PITPNC1: variants seen among roughly 807,000 people sequenced by gnomAD.
PITPNC1 encodes cytoplasmic phosphatidylinositol transfer protein 1.
In PITPNC1, 18 loss-of-function variants were observed where a neutral mutation model predicts 44.7. That is an observed-to-expected ratio of 0.40 (90% CI 0.28 to 0.60). The LOEUF is 0.60. Among genes scored for constraint, PITPNC1 ranks in the 20% least tolerant of loss-of-function variants. The pLI is 0.39. For synonymous variants in PITPNC1, 141 were observed against 149.6 expected (o/e 0.94, Z 0.42); for missense variants, 290 against 418.4 (o/e 0.69, Z 2.68).
chr17:67,692,250 C>T (rs550391720), intron 8 of PITPNC1, among the ~76,000 whole-genome samples: 2 of 152,074 alleles, frequency 1.3e-5, no homozygotes, highest in Non-Finnish European at 2.9e-5. Context: ...CACACACATA[C>T]ACACACACAG....
intron 1 of PITPNC1, among the ~76,000 whole-genome samples, chr17:67,395,075 A>G (rs1278429544): frequency 6.6e-6 from 1 of 152,174 alleles, no homozygotes; most frequent in Non-Finnish European, 1.5e-5. Context: ...CGCTCTTATT[A>G]AACTGGTAAT....
intron 1 of PITPNC1, among the ~76,000 whole-genome samples, chr17:67,428,984 G>T (rs1249462636): frequency 2.3e-5 from 2 of 85,612 alleles, no homozygotes; most frequent in Admixed American, 2.2e-4. Context: ...GGGATTACAG[G>T]CATAGTGCCA....
intron 1 of PITPNC1, among the ~76,000 whole-genome samples, chr17:67,479,295 C>T (rs890370981): frequency 1.3e-5 from 2 of 152,170 alleles, no homozygotes; most frequent in African/African-American, 4.8e-5. Flanking sequence ...TAGAGACAGA[C>T]AAGGGGGAGA....
intron 5 of PITPNC1, among the ~76,000 whole-genome samples, chr17:67,631,671 TA>T (rs1244869129): frequency 4.3e-5 from 3 of 69,670 alleles, no homozygotes; most frequent in Non-Finnish European, 9.4e-5. Flanking sequence ...TATATATATA[TA>T]AAATATATAT....
intron 1 of PITPNC1, among the ~76,000 whole-genome samples, chr17:67,517,750 A>G (rs1285859032): frequency 6.6e-6 from 1 of 152,186 alleles, no homozygotes; most frequent in Non-Finnish European, 1.5e-5. Context: ...TGGGACTGGG[A>G]GGAGAAGAGA....
At chr17:67,499,009 T>G (rs1289334478) in intron 1 of PITPNC1, among the ~76,000 whole-genome samples, 2 of 151,984 alleles carry the variant, frequency 1.3e-5, no homozygotes, top group African/African-American at 4.8e-5. Flanking sequence ...GTAGCTGGGC[T>G]TACAGGCACC....
intron 1 of PITPNC1, among the ~76,000 whole-genome samples, chr17:67,498,620 T>C (rs1050099064): frequency 6.6e-6 from 1 of 152,220 alleles, no homozygotes; most frequent in Non-Finnish European, 1.5e-5. Context: ...GGAAGCTTCG[T>C]ATTGTTCTCC....
At chr17:67,519,831 T>C (rs1278996284) in intron 1 of PITPNC1, among the ~76,000 whole-genome samples, 1 of 152,166 alleles carries the variant, frequency 6.6e-6, no homozygotes, top group Non-Finnish European at 1.5e-5. Flanking sequence ...GCTAGGTAGT[T>C]ACCAGAACCC....
Position 67,625,339 on chromosome 17 carries a change from C to T in PITPNC1, c.367-6804C>T, listed in dbSNP as rs571748573. Among the ~76,000 whole-genome samples, 6 of 152,248 alleles carry T rather than the reference C, an allele frequency of 3.9e-5. No homozygotes were observed. The East Asian group carries it at 1.2e-3, about 29-fold the overall frequency. ...CAGCACTCCAGTGTCAGGTGCCCCC[C>T]TGTAAAGCTTTGGCTTGATGCAACA... On this transcript the variant is annotated intron_variant, in intron 5 of 8. Coordinates refer to ENST00000581322, the MANE Select transcript of PITPNC1 (RefSeq NM_012417.4).
At chr17:67,450,181 C>G (rs1381036457) in intron 1 of PITPNC1, among the ~76,000 whole-genome samples, 1 of 152,188 alleles carries the variant, frequency 6.6e-6, no homozygotes, top group African/African-American at 2.4e-5. Flanking sequence ...TTTCATGAAT[C>G]TTGCAGTATT....
intron 1 of PITPNC1, among the ~76,000 whole-genome samples, chr17:67,462,221 CTTT>C (rs2039349070): frequency 1.2e-5 from 1 of 86,492 alleles, no homozygotes; most frequent in African/African-American, 4.6e-5. Flanking sequence ...CTCTTTCTTT[CTTT>C]CTTTTTTTTT....
At chr17:67,381,703 C>A (rs757017972) in intron 1 of PITPNC1, among the ~76,000 whole-genome samples, 1 of 147,990 alleles carries the variant, frequency 6.8e-6, no homozygotes, top group Non-Finnish European at 1.5e-5. Context: ...CCTGACCTCG[C>A]GATCCGCCCG....
intron 5 of PITPNC1, among the ~76,000 whole-genome samples, chr17:67,579,614 A>ATTTTTT (rs558310588): frequency 2.3e-5 from 2 of 88,802 alleles, no homozygotes; most frequent in African/African-American, 4.8e-5. Context: ...TAAAATAGTG[A>ATTTTTT]TTTTTTTTTT....
rs549383287 is a variant in PITPNC1 at position 67,521,333 on chromosome 17, A to G, written c.49-11469A>G. On this transcript the variant is annotated intron_variant, in intron 1 of 8. Transcript: ENST00000581322. The stretch of plus-strand genomic sequence containing the variant: ...ATAACCCAGCTTCTTAAATCTTTTT[A>G]TCAGTTTTTTCATTCCCATACCCTG... Among the ~76,000 whole-genome samples, 36 of 152,326 alleles carry G rather than the reference A, an allele frequency of 2.4e-4. 2 individuals carry two copies. In the South Asian group the frequency reaches 7.5e-3, roughly 32 times the overall value.
At chr17:67,639,536 G>A (rs74708180) in intron 6 of PITPNC1, among the ~76,000 whole-genome samples, 1,742 of 152,312 alleles carry the variant, frequency 0.011, 35 homozygotes, top group African/African-American at 0.041. Context: ...AGCAACAAAG[G>A]AGAAAGAATA....
intron 1 of PITPNC1, among the ~76,000 whole-genome samples, chr17:67,387,339 C>A (rs539527937): frequency 6.6e-6 from 1 of 152,296 alleles, no homozygotes; most frequent in South Asian, 2.1e-4. Flanking sequence ...CATCGTCTTT[C>A]CTGAACACTC....
intron 5 of PITPNC1, among the ~76,000 whole-genome samples, chr17:67,629,600 A>G (rs954322392): frequency 6.6e-6 from 1 of 152,204 alleles, no homozygotes; most frequent in Admixed American, 6.5e-5. Context: ...TTAATGAGGC[A>G]TGTGTCTCTC....
In PITPNC1 at chr17:67,508,271, A is replaced by G. The variant is rs1489276152; in HGVS notation, c.49-24531A>G. ...TTATTAAGAAAGTAGAGAATAAAAG[A>G]ATGGCTACTCCATAAACAGAGCAGC... On this transcript the variant is annotated intron_variant, in intron 1 of 8. Transcript: ENST00000581322. The surrounding 1 kb of genome is among the most constrained non-coding windows in gnomAD (Gnocchi z 4.2). Among the ~76,000 whole-genome samples the G allele has an allele frequency of 3.3e-5, 5 of 152,190 alleles. No individual in the cohort carries two copies. Among genetic ancestry groups the G allele is most frequent in the African/African-American group, 9.7e-5 (4 of 41,448 alleles).
At chr17:67,438,177 C>T (rs2038962962) in intron 1 of PITPNC1, among the ~76,000 whole-genome samples, 1 of 152,202 alleles carries the variant, frequency 6.6e-6, no homozygotes, top group South Asian at 2.1e-4. Context: ...TAGCCATGAA[C>T]GTTGTAATTG....
Sources: allele counts gnomAD v4.1 joint callset (sites outside exome capture counted in the v4.1 genomes callset), GRCh38; gene constraint gnomAD v4.1.1; non-coding constraint Gnocchi (gnomAD v3.1); transcripts MANE v1.5; gene names NCBI Gene and HGNC (gene_info 2026-07-23, HGNC 2026-07-21).